Variants in MYO3A observed in about 807,000 individuals in gnomAD.
MYO3A encodes myosin IIIA, also known as myosin-IIIa.
MYO3A carries 180 observed loss-of-function variants against 192.7 expected under a neutral mutation model. That is an observed-to-expected ratio of 0.93 (90% CI 0.83 to 1.06). The LOEUF is 1.06. Ranked by LOEUF, MYO3A falls within the 50% of genes least tolerant of loss-of-function variation. The pLI, the probability that MYO3A is intolerant of heterozygous loss-of-function variation, is 0.00. For synonymous variants in MYO3A, 628 were observed against 645.3 expected, an observed-to-expected ratio of 0.97 and a Z score of 0.41; for missense variants, 1,896 against 1,905.0, an observed-to-expected ratio of 1.00 and a Z score of 0.09.
At chr10:26,080,104 C>A (rs996951241) in intron 14 of MYO3A, among the ~76,000 whole-genome samples, 2 of 152,150 alleles carry the variant, frequency 1.3e-5, no homozygotes, top group African/African-American at 4.8e-5. Context: ...CCTTGATTAT[C>A]CCCACAAATA....
At chr10:26,195,388 A>C (rs1843360261) in intron 32 of MYO3A, among the ~76,000 whole-genome samples, 1 of 152,036 alleles carries the variant, frequency 6.6e-6, no homozygotes, top group African/African-American at 2.4e-5. Flanking sequence ...CACTCCTCTT[A>C]CTGGTCCCTT....
chr10:26,210,711 C>G (rs1036398217), intron 34 of MYO3A, among the ~76,000 whole-genome samples: 1 of 152,130 alleles, frequency 6.6e-6, no homozygotes, highest in South Asian at 2.1e-4. Flanking sequence ...TATCCGAACA[C>G]TCTATCCTCA....
At chr10:26,060,015 T>C (rs1044349363) in intron 10 of MYO3A, among the ~76,000 whole-genome samples, 1 of 152,208 alleles carries the variant, frequency 6.6e-6, no homozygotes, top group Admixed American at 6.5e-5. Flanking sequence ...CCCAGCACTT[T>C]GGGAGGCCAA....
chr10:26,083,710 T>A (rs189380117), intron 14 of MYO3A, among the ~76,000 whole-genome samples: 1 of 152,350 alleles, frequency 6.6e-6, no homozygotes, highest in Admixed American at 6.5e-5. Context: ...GAAAAGATGT[T>A]GTGGTATGTT....
Position 26,173,950 on chromosome 10 carries a change from A to T in MYO3A, c.3686A>T (p.Lys1229Ile). Residue 1229 changes from lysine to isoleucine, a missense_variant, in exon 30 of 35, where the codon AAA becomes ATA. Transcript: ENST00000642920. The part of the protein sequence containing the change: ...KDLEENSNLR[K>I]VEKEEAMIQS... ...CTGGAAGAGAACAGCAATCTAAGGAAAGTGGAGAAAGAGGAAGCTATGATC... is the reference window on the plus strand; with the variant it reads ...CTGGAAGAGAACAGCAATCTAAGGATAGTGGAGAAAGAGGAAGCTATGATC... 1 of 1,608,794 alleles carries T rather than the reference A, an allele frequency of 6.2e-7. No homozygotes were observed. The highest frequency in any genetic ancestry group is 8.5e-7 in the Non-Finnish European group (1 of 1,178,478).
chr10:26,099,252 A>G (rs1419511351), intron 17 of MYO3A, among the ~76,000 whole-genome samples: 1 of 152,170 alleles, frequency 6.6e-6, no homozygotes, highest in Non-Finnish European at 1.5e-5. Context: ...ATTTTGGCAC[A>G]TTGATTTTGT....
chr10:26,036,095 G>T (rs1184705702), intron 10 of MYO3A, among the ~76,000 whole-genome samples: 3 of 151,872 alleles, frequency 2.0e-5, no homozygotes, highest in Admixed American at 2.0e-4. Flanking sequence ...CACCACGCCT[G>T]GCTAATTTTT....
chr10:26,155,387 C>A (rs1474545152), intron 25 of MYO3A, among the ~76,000 whole-genome samples: 2 of 152,134 alleles, frequency 1.3e-5, no homozygotes, highest in Non-Finnish European at 2.9e-5. Context: ...AAGAAAAAAA[C>A]CAAGTACTTT....
At chr10:25,987,404 A>G (rs1252560378) in intron 4 of MYO3A, among the ~76,000 whole-genome samples, 1 of 152,214 alleles carries the variant, frequency 6.6e-6, no homozygotes, top group Non-Finnish European at 1.5e-5. Context: ...CAAAAGAAAT[A>G]ATCAGTAGAG....
At chr10:26,125,024 A>G (rs75530176) in intron 18 of MYO3A, among the ~76,000 whole-genome samples, 2 of 152,316 alleles carry the variant, frequency 1.3e-5, no homozygotes, top group African/African-American at 2.4e-5. Context: ...GAAAATATGT[A>G]TATAATAATG....
intron 4 of MYO3A, among the ~76,000 whole-genome samples, chr10:25,987,355 A>T (rs1411163847): frequency 6.6e-6 from 1 of 152,216 alleles, no homozygotes; most frequent in African/African-American, 2.4e-5. Context: ...ACAAAGATAA[A>T]TAGATGGAAC....
At chr10:26,091,590 T>A (rs867816320) in intron 15 of MYO3A, among the ~76,000 whole-genome samples, 25 of 152,336 alleles carry the variant, frequency 1.6e-4, no homozygotes, top group African/African-American at 5.1e-4. Context: ...AATAAGTGGC[T>A]GACATGGTCC....
chr10:26,123,535 G>A (rs1839003357), intron 18 of MYO3A, among the ~76,000 whole-genome samples: 1 of 152,196 alleles, frequency 6.6e-6, no homozygotes, highest in Admixed American at 6.5e-5. Flanking sequence ...GATAGTCCGT[G>A]ATGTCCATGA....
intron 17 of MYO3A, among the ~76,000 whole-genome samples, chr10:26,120,384 T>G (rs1397751341): frequency 6.6e-6 from 1 of 152,240 alleles, no homozygotes; most frequent in East Asian, 1.9e-4. Flanking sequence ...GAATGAGGCA[T>G]TTCTACTTCC....
intron 9 of MYO3A, among the ~76,000 whole-genome samples, chr10:26,026,008 C>T (rs1842522187): frequency 6.6e-6 from 1 of 152,300 alleles, no homozygotes; most frequent in African/African-American, 2.4e-5. Flanking sequence ...AGCATTAGAA[C>T]TATAATGACT....
chr10:26,190,948 CTT>C (rs749255582), intron 31 of MYO3A, among the ~76,000 whole-genome samples: 1 of 152,070 alleles, frequency 6.6e-6, no homozygotes, highest in Non-Finnish European at 1.5e-5. Context: ...TTTTCACTCT[CTT>C]GGCAATTATT....
chr10:26,007,410 G>C lies in MYO3A; in HGVS notation c.509-9410G>C, dbSNP rs183675058. 1.1e-3 allele frequency among the ~76,000 whole-genome samples: 160 copies of C among 148,860 alleles called. 6 individuals are homozygous for C. The highest frequency in any genetic ancestry group is 4.0e-3 in the African/African-American group (154 of 38,932). On this transcript the variant is annotated intron_variant, in intron 6 of 34. Coordinates refer to ENST00000642920, the MANE Select transcript of MYO3A (RefSeq NM_017433.5). ...AATCAGGGAGGAGAAGGAAATAAAG[G>C]GTATTCAGTTAGGAAAAGAGGAAGT...
intron 14 of MYO3A, among the ~76,000 whole-genome samples, chr10:26,086,087 CT>C (rs1251528915): frequency 1.3e-5 from 2 of 152,086 alleles, no homozygotes; most frequent in Non-Finnish European, 2.9e-5. Context: ...CTATAAAGAA[CT>C]ACCTGAGACT....
intron 11 of MYO3A, among the ~76,000 whole-genome samples, chr10:26,068,335 A>G (rs1834981050): frequency 6.6e-6 from 1 of 152,178 alleles, no homozygotes; most frequent in East Asian, 1.9e-4. Flanking sequence ...TCATAAAGCC[A>G]AAAGTCTGAA....
Sources: allele counts gnomAD v4.1 joint callset (sites outside exome capture counted in the v4.1 genomes callset), GRCh38; gene constraint gnomAD v4.1.1; transcripts MANE v1.5; gene names NCBI Gene and HGNC (gene_info 2026-07-23, HGNC 2026-07-21).